OVCH2: variants seen among roughly 807,000 people sequenced by gnomAD.
OVCH2 encodes ovochymase 2.
In OVCH2, 88 loss-of-function variants were observed where a neutral mutation model predicts 73.7. That is an observed-to-expected ratio of 1.19 (90% CI 1.01 to 1.43). OVCH2 has a LOEUF of 1.43. OVCH2 is among the 40% of genes most tolerant of loss of function. The pLI is 0.00. For missense variants in OVCH2, 706 were observed against 674.5 expected, an observed-to-expected ratio of 1.05 and a Z score of -0.52; for synonymous variants, 265 against 234.5, an observed-to-expected ratio of 1.13 and a Z score of -1.19.
Position 7,706,464 on chromosome 11 carries a change from G to C in OVCH2, c.-70C>G. Reference sequence around the variant, plus strand: ...CAAACAAAAATAGGAAGCCTTGAGAGACCAGCAATAAGCCAATTTAAAACA... The same window carrying C: ...CAAACAAAAATAGGAAGCCTTGAGACACCAGCAATAAGCCAATTTAAAACA... On this transcript the variant is annotated 5_prime_UTR_variant, in exon 1 of 16. Coordinates refer to ENST00000533663, the MANE Select transcript of OVCH2 (RefSeq NM_198185.7). The C allele has an allele frequency of 2.7e-6, 4 of 1,504,322 alleles. No individual in the cohort carries two copies. Among genetic ancestry groups the C allele is most frequent in the Non-Finnish European group, 3.5e-6 (4 of 1,131,222 alleles). The allele number at this position is 1,504,322 out of a possible 1,614,324, so 93.2% of individuals were successfully genotyped here.
At chr11:7,687,145 A>AG (rs1485768539), downstream of OVCH2, among the ~76,000 whole-genome samples, 1 of 152,226 alleles carries the variant, frequency 6.6e-6, no homozygotes, top group East Asian at 1.9e-4. Flanking sequence ...GCAAAAAAAA[A>AG]GAATATATTT....
intron 12 of OVCH2, among the ~76,000 whole-genome samples, chr11:7,692,374 G>C (rs1856238947): frequency 6.6e-6 from 1 of 152,136 alleles, no homozygotes; most frequent in Non-Finnish European, 1.5e-5. Flanking sequence ...TTGTTCACCT[G>C]GTTCCTGATG....
chr11:7,688,771 A>G (rs1486821065), downstream of OVCH2, among the ~76,000 whole-genome samples: 1 of 152,248 alleles, frequency 6.6e-6, no homozygotes, highest in Non-Finnish European at 1.5e-5. Context: ...ACAAGATGTC[A>G]CTTATATATG....
At chr11:7,698,688 T>C (rs1291735443) in intron 8 of OVCH2, 62 bp downstream of exon 8, 3 of 1,548,234 alleles carry the variant, frequency 1.9e-6, no homozygotes, top group African/African-American at 1.4e-5. Flanking sequence ...CAGGAACTGA[T>C]ATTCAGAAAT....
At chr11:7,690,743 C>A (rs1461649986) in intron 14 of OVCH2, among the ~76,000 whole-genome samples, 1 of 152,082 alleles carries the variant, frequency 6.6e-6, no homozygotes, top group African/African-American at 2.4e-5. Flanking sequence ...ATCCTATAAA[C>A]AAATGTCCTT....
intron 12 of OVCH2, among the ~76,000 whole-genome samples, chr11:7,694,358 A>G (rs1589874132): frequency 6.6e-6 from 1 of 152,004 alleles, no homozygotes; most frequent in African/African-American, 2.4e-5. Context: ...CCATACAGTG[A>G]CTTCCACCTT....
intron 3 of OVCH2, 27 bp from the exon 4 acceptor site, chr11:7,702,356 T>C (rs778816609): frequency 1.3e-6 from 2 of 1,518,444 alleles, no homozygotes; most frequent in Non-Finnish European, 1.8e-6. Flanking sequence ...GTAAAATGAA[T>C]GAATTTCATT....
chr11:7,694,907 A>G (rs941158962), intron 12 of OVCH2, 151 bp downstream of exon 12: 22 of 863,270 alleles, frequency 2.5e-5, no homozygotes, highest in African/African-American at 1.6e-4. Context: ...TTCAGCAAGT[A>G]TTTATTGACA....
intron 8 of OVCH2, 136 bp from the exon 9 acceptor site, chr11:7,696,935 G>T: frequency 1.3e-6 from 1 of 782,196 alleles, no homozygotes; most frequent in Non-Finnish European, 2.0e-6. Flanking sequence ...ATCTTCTCCT[G>T]TCTTTGCTTC....
At chr11:7,692,342 T>C (rs1250268381) in intron 12 of OVCH2, among the ~76,000 whole-genome samples, 1 of 152,192 alleles carries the variant, frequency 6.6e-6, no homozygotes, top group African/African-American at 2.4e-5. Context: ...TACACAAAAC[T>C]GCTTCTCTGG....
At chr11:7,681,793 G>A in the OVCH2 span, among the ~76,000 whole-genome samples, 2 of 148,982 alleles carry the variant, frequency 1.3e-5, no homozygotes, top group African/African-American at 5.0e-5. Flanking sequence ...GGGGATGGGC[G>A]CTTCAGATTT....
chr11:7,693,062 A>G (rs1856252304), intron 12 of OVCH2, among the ~76,000 whole-genome samples: 1 of 152,240 alleles, frequency 6.6e-6, no homozygotes, highest in Non-Finnish European at 1.5e-5. Context: ...AAGGAGAAAC[A>G]AAGAAACAAT....
At chr11:7,702,110 A>G in intron 4 of OVCH2, 47 bp downstream of exon 4, 1 of 1,492,250 alleles carries the variant, frequency 6.7e-7, no homozygotes, top group Non-Finnish European at 9.3e-7. Context: ...CACAGAGGTT[A>G]TAGAGAACAT....
chr11:7,695,217 T>C (rs761378890), intron 11 of OVCH2, 29 bp from the exon 12 acceptor site: 1 of 1,537,304 alleles, frequency 6.5e-7, no homozygotes, highest in Admixed American at 2.2e-5. Flanking sequence ...TCCAAACAGA[T>C]GGCACCATTC....
At chr11:7,680,242 A>T in the OVCH2 span, among the ~76,000 whole-genome samples, 1 of 152,352 alleles carries the variant, frequency 6.6e-6, no homozygotes, top group Non-Finnish European at 1.5e-5. Context: ...CTCTTAGGCT[A>T]CTTCCAGTAG....
At chr11:7,705,960 G>A (rs928500012) in intron 1 of OVCH2, among the ~76,000 whole-genome samples, 3 of 152,146 alleles carry the variant, frequency 2.0e-5, no homozygotes, top group Non-Finnish European at 4.4e-5. Flanking sequence ...GATTAAAAAT[G>A]CTTCCAAATC....
chr11:7,705,705 G>A (rs918268289), intron 1 of OVCH2: 1 of 152,144 alleles, frequency 6.6e-6, no homozygotes, highest in Non-Finnish European at 1.5e-5. Flanking sequence ...TGGAACAAAA[G>A]CTTATTTTCT....
chr11:7,701,564 A>C, intron 5 of OVCH2, 89 bp from the exon 6 acceptor site: 1 of 1,517,570 alleles, frequency 6.6e-7, no homozygotes, highest in South Asian at 1.3e-5. Flanking sequence ...GTCGCTTGGC[A>C]AGACTTGAAT....
chr11:7,688,184 T>A (rs1856163992), downstream of OVCH2, among the ~76,000 whole-genome samples: 1 of 152,128 alleles, frequency 6.6e-6, no homozygotes, highest in African/African-American at 2.4e-5. Context: ...TTTCTCTTTT[T>A]CCTCTAAAAA....
Sources: allele counts gnomAD v4.1 joint callset (sites outside exome capture counted in the v4.1 genomes callset), GRCh38; gene constraint gnomAD v4.1.1; transcripts MANE v1.5; gene names NCBI Gene and HGNC (gene_info 2026-07-23, HGNC 2026-07-21).